Variants in SLCO3A1 observed in about 807,000 individuals in gnomAD.
The protein encoded by SLCO3A1 is solute carrier organic anion transporter family member 3A1, also known as PGE1 transporter.
SLCO3A1 carries 27 observed loss-of-function variants against 63.1 expected under a neutral mutation model. That is an observed-to-expected ratio of 0.43 (90% CI 0.32 to 0.59). SLCO3A1 has a LOEUF of 0.59. Among genes scored for constraint, SLCO3A1 ranks in the 20% least tolerant of loss-of-function variants. The pLI is 0.09. For synonymous variants in SLCO3A1, 473 were observed against 409.9 expected (o/e 1.15, Z -1.86); for missense variants, 773 against 945.8 (o/e 0.82, Z 2.40).
intron 7 of SLCO3A1, among the ~76,000 whole-genome samples, chr15:92,141,198 G>T (rs755683932): frequency 1.3e-4 from 20 of 152,332 alleles, no homozygotes; most frequent in Non-Finnish European, 2.2e-4. Context: ...CGCAGAGGCA[G>T]CAGGGACTGC....
chr15:92,146,724 C>T lies in SLCO3A1; in HGVS notation c.1513-260C>T, dbSNP rs147182258. Among the ~76,000 whole-genome samples the T allele has an allele frequency of 3.7e-4, 57 of 152,256 alleles. No homozygotes were observed. In the East Asian group the frequency reaches 9.9e-3, roughly 26 times the overall value. ...GGGGGGGACACATTTATCTGTGGTT[C>T]AGCTTACTGAGGGATTCTTGAGAAT... On this transcript the variant is annotated intron_variant, in intron 7 of 9. Transcript: ENST00000318445.
At chr15:92,127,284 G>C (rs189446448) in intron 6 of SLCO3A1, among the ~76,000 whole-genome samples, 5 of 152,226 alleles carry the variant, frequency 3.3e-5, no homozygotes, top group South Asian at 4.1e-4. Flanking sequence ...AACTCCCAAG[G>C]AGTAAAGGGT....
intron 2 of SLCO3A1, among the ~76,000 whole-genome samples, chr15:91,947,340 T>C (rs1438005501): frequency 6.6e-6 from 1 of 152,182 alleles, no homozygotes; most frequent in Non-Finnish European, 1.5e-5. Flanking sequence ...TTCTGTGAAA[T>C]TGTGGGAATC....
At chr15:92,133,917 G>A (rs928525639) in intron 7 of SLCO3A1, among the ~76,000 whole-genome samples, 5 of 152,190 alleles carry the variant, frequency 3.3e-5, no homozygotes, top group African/African-American at 9.7e-5. Flanking sequence ...TACCAAAAAG[G>A]TTGGGGACCT....
At chr15:92,124,385 A>G (rs74912889) in intron 5 of SLCO3A1, among the ~76,000 whole-genome samples, 479 of 152,292 alleles carry the variant, frequency 3.1e-3, no homozygotes, top group African/African-American at 0.011. Context: ...TGTGATTGCC[A>G]TGGTTACCAT....
intron 2 of SLCO3A1, among the ~76,000 whole-genome samples, chr15:91,975,367 T>C (rs1319030639): frequency 2.6e-5 from 4 of 152,178 alleles, no homozygotes; most frequent in African/African-American, 9.7e-5. Flanking sequence ...GCAACACACA[T>C]GCAGTGTCCC....
chr15:92,109,061 G>A (rs745827266), intron 4 of SLCO3A1, among the ~76,000 whole-genome samples: 11 of 152,164 alleles, frequency 7.2e-5, no homozygotes, highest in Non-Finnish European at 1.5e-4. Context: ...GTTGAATGAA[G>A]TAATAAATGA....
intron 2 of SLCO3A1, among the ~76,000 whole-genome samples, chr15:92,019,947 T>C (rs2046486966): frequency 6.6e-6 from 1 of 152,094 alleles, no homozygotes; most frequent in African/African-American, 2.4e-5. Flanking sequence ...CAGTGAGGAC[T>C]GTATCAAAGC....
At chr15:92,104,688 G>A in intron 4 of SLCO3A1, 146 bp downstream of exon 4, 2 of 773,018 alleles carry the variant, frequency 2.6e-6, no homozygotes, top group Non-Finnish European at 4.0e-6. Context: ...GCCTCTACCA[G>A]CCAGGTGCTT....
In SLCO3A1 at chr15:91,928,020, TGACAA is replaced by T. The variant is rs1291878162; in HGVS notation, c.646+11569_646+11573del. On this transcript the variant is annotated intron_variant, in intron 2 of 9. Coordinates refer to ENST00000318445, the MANE Select transcript of SLCO3A1 (RefSeq NM_013272.4). ...AACATGTTAATACCTGTGATTCTGGTGACAAGACAAGGTAAAAAGGCTATTAGGCA... is the reference window on the plus strand; with the variant it reads ...AACATGTTAATACCTGTGATTCTGGTGACAAGGTAAAAAGGCTATTAGGCA... 1.1e-4 allele frequency among the ~76,000 whole-genome samples: 16 copies of T among 152,346 alleles called. No individual in the cohort carries two copies. In the East Asian group the frequency reaches 3.1e-3, roughly 29 times the overall value.
At chr15:92,091,365 G>A (rs533900527) in intron 2 of SLCO3A1, among the ~76,000 whole-genome samples, 22 of 152,288 alleles carry the variant, frequency 1.4e-4, no homozygotes, top group African/African-American at 5.1e-4. Context: ...GGAGGCGCTG[G>A]CCCTTCCTTC....
rs1896928564 is a variant in SLCO3A1, at chr15:91,856,685, T to C, written c.180+2597T>C. Among the ~76,000 whole-genome samples the C allele has an allele frequency of 2.6e-5, 4 of 152,216 alleles. No homozygotes were observed. The South Asian group carries it at 8.3e-4, about 32-fold the overall frequency. On this transcript the variant is annotated intron_variant, in intron 1 of 9. Transcript: ENST00000318445. The surrounding 1 kb of genome is among the most constrained non-coding windows in gnomAD (Gnocchi z 4.9). ...GGGTCCACGTGCTAAGTGTGCGTTA[T>C]ACGTGATCCTTACCTTGGCAATCAG...
At chr15:92,095,840 T>G (rs1341439329) in intron 3 of SLCO3A1, among the ~76,000 whole-genome samples, 1 of 152,142 alleles carries the variant, frequency 6.6e-6, no homozygotes, top group Non-Finnish European at 1.5e-5. Context: ...GACCCCAGCT[T>G]GCACAGTTAC....
intron 2 of SLCO3A1, among the ~76,000 whole-genome samples, chr15:92,026,101 A>G (rs1360526831): frequency 6.6e-6 from 1 of 152,132 alleles, no homozygotes; most frequent in African/African-American, 2.4e-5. Context: ...CACGTGTCCA[A>G]GCCCGTGTCC....
At chr15:92,126,930 C>T (rs971373767) in intron 6 of SLCO3A1, among the ~76,000 whole-genome samples, 2 of 152,184 alleles carry the variant, frequency 1.3e-5, no homozygotes, top group African/African-American at 4.8e-5. Flanking sequence ...GAGGCTGAAG[C>T]ATGGCTGGCC....
chr15:92,068,612 C>T (rs2047179045), intron 2 of SLCO3A1, among the ~76,000 whole-genome samples: 1 of 152,198 alleles, frequency 6.6e-6, no homozygotes, highest in African/African-American at 2.4e-5. Context: ...GGCCACAACG[C>T]TCCAGTCACT....
chr15:91,920,494 A>C (rs1267345557), intron 2 of SLCO3A1, among the ~76,000 whole-genome samples: 1 of 152,188 alleles, frequency 6.6e-6, no homozygotes, highest in Non-Finnish European at 1.5e-5. Context: ...AGGTGGTCCT[A>C]GCTAACGGTT....
intron 2 of SLCO3A1, among the ~76,000 whole-genome samples, chr15:91,988,975 C>T (rs143034271): frequency 1.3e-5 from 2 of 152,128 alleles, no homozygotes; most frequent in African/African-American, 4.8e-5. Context: ...AACTTGGTGT[C>T]CTTGACTAGT....
intron 2 of SLCO3A1, among the ~76,000 whole-genome samples, chr15:91,998,323 G>A (rs564026366): frequency 1.2e-4 from 19 of 152,038 alleles, no homozygotes; most frequent in Admixed American, 9.8e-4. Context: ...ATGTGGTGGC[G>A]CACCCCTGTA....
Sources: allele counts gnomAD v4.1 joint callset (sites outside exome capture counted in the v4.1 genomes callset), GRCh38; gene constraint gnomAD v4.1.1; non-coding constraint Gnocchi (gnomAD v3.1); transcripts MANE v1.5; gene names NCBI Gene and HGNC (gene_info 2026-07-23, HGNC 2026-07-21).